The following GPHN variants were observed in gnomAD, a reference collection of about 807,000 sequenced individuals.
The protein encoded by GPHN is gephyrin.
In GPHN, 17 loss-of-function variants were observed where a neutral mutation model predicts 95.5. That is an observed-to-expected ratio of 0.18 (90% CI 0.12 to 0.27). The LOEUF is 0.27. Among genes scored for constraint, GPHN ranks in the 10% least tolerant of loss-of-function variants. The probability of loss-of-function intolerance (pLI) is 1.00; values close to 1 mark genes in which losing one functional copy is unlikely to be tolerated. For missense variants in GPHN, 660 were observed against 978.1 expected (o/e 0.67, Z 4.34); for synonymous variants, 320 against 322.5 (o/e 0.99, Z 0.08).
At chr14:67,030,185 C>A (rs887823411) in intron 10 of GPHN, among the ~76,000 whole-genome samples, 1 of 151,936 alleles carries the variant, frequency 6.6e-6, no homozygotes, top group Non-Finnish European at 1.5e-5. Flanking sequence ...TGTTGTAGAT[C>A]TTTTCTTAAA....
the GPHN span, among the ~76,000 whole-genome samples, chr14:67,407,986 GAAAAT>G: frequency 1.3e-5 from 2 of 151,804 alleles, no homozygotes; most frequent in Non-Finnish European, 2.9e-5. Flanking sequence ...ATTGTCTCTT[GAAAAT>G]AAAATAAAAT....
chr14:66,756,746 T>C (rs1252684802), intron 2 of GPHN, among the ~76,000 whole-genome samples: 1 of 152,198 alleles, frequency 6.6e-6, no homozygotes, highest in East Asian at 1.9e-4. Flanking sequence ...TGTCATAAGA[T>C]CCTCAAATAA....
At chr14:67,640,928 T>G in the GPHN span, among the ~76,000 whole-genome samples, 1 of 152,228 alleles carries the variant, frequency 6.6e-6, no homozygotes, top group Non-Finnish European at 1.5e-5. Flanking sequence ...TTCCAAAATC[T>G]GAAACTTTTT....
chr14:66,763,911 G>A (rs1252727414), intron 2 of GPHN, among the ~76,000 whole-genome samples: 1 of 152,140 alleles, frequency 6.6e-6, no homozygotes, highest in Non-Finnish European at 1.5e-5. Context: ...ATTGTGAACT[G>A]CACATGTGAG....
At chr14:66,759,202 T>A (rs927750253) in intron 2 of GPHN, among the ~76,000 whole-genome samples, 4 of 152,196 alleles carry the variant, frequency 2.6e-5, no homozygotes, top group Non-Finnish European at 5.9e-5. Flanking sequence ...CAAATGCCTG[T>A]GATTTGGGTA....
At chr14:67,707,278 T>C in the GPHN span, among the ~76,000 whole-genome samples, 4 of 152,172 alleles carry the variant, frequency 2.6e-5, no homozygotes, top group Admixed American at 6.5e-5. Context: ...TGCAAAACAT[T>C]AGGCAAGACT....
intron 8 of GPHN, among the ~76,000 whole-genome samples, chr14:66,931,730 A>G (rs2066809510): frequency 6.6e-6 from 1 of 152,114 alleles, no homozygotes; most frequent in Non-Finnish European, 1.5e-5. Context: ...TCAGTCTCTT[A>G]GTTAAATTTA....
intron 2 of GPHN, among the ~76,000 whole-genome samples, chr14:66,764,919 A>G (rs924467494): frequency 6.6e-6 from 1 of 152,188 alleles, no homozygotes; most frequent in Admixed American, 6.5e-5. Context: ...TTAAAAAAGA[A>G]GATAATCATA....
chr14:66,758,056 T>A (rs2058626913), intron 2 of GPHN, among the ~76,000 whole-genome samples: 1 of 152,136 alleles, frequency 6.6e-6, no homozygotes, highest in Non-Finnish European at 1.5e-5. Flanking sequence ...CTGATTGGTT[T>A]GTGATTATGC....
At chr14:67,297,191 G>A in the GPHN span, among the ~76,000 whole-genome samples, 2 of 152,296 alleles carry the variant, frequency 1.3e-5, no homozygotes, top group African/African-American at 4.8e-5. Context: ...TCTTGAATAA[G>A]ATAAAGAAAC....
chr14:67,572,131 C>T, the GPHN span: 13 of 1,604,304 alleles, frequency 8.1e-6, no homozygotes, highest in Non-Finnish European at 9.4e-6. Context: ...CCTCCCTCGG[C>T]AAGGCGTCTC....
the GPHN span, among the ~76,000 whole-genome samples, chr14:67,192,861 T>C: frequency 7.2e-6 from 1 of 139,082 alleles, no homozygotes; most frequent in Non-Finnish European, 1.5e-5. Context: ...GATATACAGA[T>C]ATATATAGAT....
At chr14:67,026,706 G>A (rs187492395) in intron 10 of GPHN, among the ~76,000 whole-genome samples, 1 of 152,208 alleles carries the variant, frequency 6.6e-6, no homozygotes, top group African/African-American at 2.4e-5. Context: ...GCAGTGGCGC[G>A]ATCTCGGCTC....
chr14:67,702,605 A>C, the GPHN span, among the ~76,000 whole-genome samples: 6 of 152,224 alleles, frequency 3.9e-5, 1 homozygote, highest in Non-Finnish European at 8.8e-5. Context: ...TATTTATTTT[A>C]CTAATAATTT....
chr14:67,669,988 G>A, the GPHN span, among the ~76,000 whole-genome samples: 7 of 152,214 alleles, frequency 4.6e-5, no homozygotes, highest in Non-Finnish European at 8.8e-5. Flanking sequence ...CCAGCTACTC[G>A]GGAGGCTGAG....
chr14:66,982,249 C>T (rs55746855), intron 9 of GPHN, among the ~76,000 whole-genome samples: 1 of 152,164 alleles, frequency 6.6e-6, no homozygotes, highest in African/African-American at 2.4e-5. Context: ...TTTCAGTGAG[C>T]TCAGTTTTGG....
intron 10 of GPHN, among the ~76,000 whole-genome samples, chr14:67,053,384 G>C (rs1389382985): frequency 2.0e-5 from 3 of 151,980 alleles, no homozygotes; most frequent in African/African-American, 7.2e-5. Flanking sequence ...TAAATTCCTA[G>C]ACACACACAC....
the GPHN span, among the ~76,000 whole-genome samples, chr14:67,342,020 C>T: frequency 6.6e-6 from 1 of 151,602 alleles, no homozygotes; most frequent in Admixed American, 6.6e-5. Flanking sequence ...ACTCCCTAAT[C>T]TCAAGTACCC....
chr14:66,979,628 T>C (rs938747019), intron 9 of GPHN, among the ~76,000 whole-genome samples: 4 of 152,216 alleles, frequency 2.6e-5, no homozygotes, highest in Non-Finnish European at 5.9e-5. Context: ...TCAGACTTTC[T>C]CCATATTAGC....
Sources: gnomAD v4.1 joint callset for allele counts (sites outside exome capture counted in the v4.1 genomes callset) on GRCh38, gnomAD v4.1.1 for gene constraint, MANE v1.5 for transcripts, NCBI Gene and HGNC (gene_info 2026-07-23, HGNC 2026-07-21) for gene names.